POLR3K: variants seen among roughly 807,000 people sequenced by gnomAD.
POLR3K encodes RNA polymerase III subunit K.
POLR3K carries 11 observed loss-of-function variants against 13.5 expected under a neutral mutation model. The ratio of observed to expected loss-of-function variants is 0.81; its 90% CI spans 0.51 to 1.35. POLR3K has a LOEUF of 1.35. POLR3K is among the 40% of genes most tolerant of loss of function. The pLI, the probability that POLR3K is intolerant of heterozygous loss-of-function variation, is 0.00. For missense variants in POLR3K, 144 were observed against 145.3 expected (o/e 0.99, Z 0.05); for synonymous variants, 56 against 51.5 (o/e 1.09, Z -0.38).
rs933821365 is a variant in POLR3K at position 47,566 on chromosome 16, G to A, written c.200-9C>T. 1 of 1,609,496 alleles carries A rather than the reference G, an allele frequency of 6.2e-7. No homozygotes were observed. Among genetic ancestry groups the A allele is most frequent in the Non-Finnish European group, 8.5e-7 (1 of 1,177,498 alleles). On this transcript the variant is annotated splice_polypyrimidine_tract_variant and intron_variant, in intron 2 of 2. Coordinates refer to ENST00000293860, the MANE Select transcript of POLR3K (RefSeq NM_016310.5). ...GCATTTGGGACACGACTCTGGCAATGAGAAAAAAGAAGTGACCACATTTAA... is the reference window on the plus strand; with the variant it reads ...GCATTTGGGACACGACTCTGGCAATAAGAAAAAAGAAGTGACCACATTTAA...
chr16:50,945 G>T (rs745812322), intron 2 of POLR3K, among the ~76,000 whole-genome samples: 1 of 152,194 alleles, frequency 6.6e-6, no homozygotes. Context: ...GCGAGCAGGG[G>T]AAACGCAAAC....
At position 47,408 on chromosome 16, in the gene POLR3K, G is replaced by T. The variant is rs749087814; in HGVS notation, c.*22C>A. The T allele has an allele frequency of 6.2e-7, 1 of 1,609,718 alleles. No individual in the cohort carries two copies. Among genetic ancestry groups the T allele is most frequent in the Non-Finnish European group, 8.5e-7 (1 of 1,177,284 alleles). On this transcript the variant is annotated 3_prime_UTR_variant, in exon 3 of 3. Transcript: ENST00000293860. Reference sequence around the variant, plus strand: ...CGAGGGACAAGGCAAGCACACACTAGGGCAGCTGGGCCATCCTGGCCCTAA... The same window carrying T: ...CGAGGGACAAGGCAAGCACACACTATGGCAGCTGGGCCATCCTGGCCCTAA...
At chr16:51,364 T>A (rs754268764) in intron 2 of POLR3K, among the ~76,000 whole-genome samples, 194 bp downstream of exon 2, 1 of 152,182 alleles carries the variant, frequency 6.6e-6, no homozygotes, top group Non-Finnish European at 1.5e-5. Flanking sequence ...CCTGTATGAC[T>A]CCAAGGCTGG....
Position 47,132 on chromosome 16 carries a change from AG to A in POLR3K, c.*297del, listed in dbSNP as rs1897290419. The A allele has an allele frequency of 5.3e-6, 1 of 187,608 alleles. No individual in the cohort carries two copies. The highest frequency in any genetic ancestry group is 1.1e-5 in the Non-Finnish European group (1 of 90,614). 11.6% of individuals were successfully genotyped at this position (187,608 alleles called of 1,614,324 possible). On this transcript the variant is annotated 3_prime_UTR_variant, in exon 3 of 3. Coordinates refer to ENST00000293860, the MANE Select transcript of POLR3K (RefSeq NM_016310.5). ...TATTTAAGAGTGTTGATTGGGAGTA[AG>A]GGAATGTCAACTGCCAATAAAGTGG...
intron 2 of POLR3K, among the ~76,000 whole-genome samples, chr16:50,223 T>A (rs1384458462): frequency 1.3e-5 from 2 of 152,184 alleles, no homozygotes; most frequent in Non-Finnish European, 2.9e-5. Context: ...CCTCCCAAAG[T>A]GCTGAGATTG....
Position 46,444 on chromosome 16 carries a change from G to A in POLR3K, c.*986C>T, listed in dbSNP as rs1425566668. ...ATAGTCATATTAAATGTAAAGATTG[G>A]TGGGACACAGTGGCTCACGCCTGTA... On this transcript the variant is annotated 3_prime_UTR_variant, in exon 3 of 3. Coordinates refer to ENST00000293860, the MANE Select transcript of POLR3K (RefSeq NM_016310.5). The A allele has an allele frequency of 6.6e-6, 1 of 152,140 alleles. No individual in the cohort carries two copies. The highest frequency in any genetic ancestry group is 1.5e-5 in the Non-Finnish European group (1 of 68,036). The allele number at this position is 152,140 out of a possible 1,614,324, so 9.4% of individuals were successfully genotyped here. A position where few individuals can be genotyped will look rare whatever the true frequency, so the allele number is the denominator to read the frequency against.
In POLR3K at chr16:53,341, G is replaced by C. The variant is rs114777900; in HGVS notation, c.111+135C>G. On this transcript the variant is annotated intron_variant, in intron 1 of 2. Coordinates refer to ENST00000293860, the MANE Select transcript of POLR3K (RefSeq NM_016310.5). ...ATTGGAAAGTAGAGCCCACAGATCT[G>C]CTGCAGACCAGAAAGGGGCGCGAGA... The C allele has an allele frequency of 4.5e-3, 6,443 of 1,420,646 alleles. 250 individuals are homozygous for C. In the African/African-American group the frequency reaches 0.085, roughly 19 times the overall value. 88.0% of individuals were successfully genotyped at this position (1,420,646 alleles called of 1,614,324 possible). A position where few individuals can be genotyped will look rare whatever the true frequency, so the allele number is the denominator to read the frequency against.
At chr16:52,245 G>C (rs561241253) in intron 1 of POLR3K, 2 of 149,292 alleles carry the variant, frequency 1.3e-5, no homozygotes, top group African/African-American at 5.0e-5. Flanking sequence ...TTGGGAGTTC[G>C]AGACCAGCCT....
In POLR3K at chr16:51,574, A is replaced by C; in HGVS notation, c.183T>G (p.Asn61Lys). 6.2e-7 allele frequency: 1 copy of C among 1,614,006 alleles called. No homozygotes were observed. Among genetic ancestry groups the C allele is most frequent in the East Asian group, 2.2e-5 (1 of 44,892 alleles). ...DVLGGAAAWE[N>K]VDSTAESCPK... ...CCCTCTTACCTGCAGTAGAGTCAAC[A>C]TTCTCCCAGGCAGCTGCTCCACCAA... is the stretch of plus-strand genomic sequence containing the variant. Residue 61 changes from asparagine (N) to lysine (K), a missense_variant, in exon 2 of 3, where the codon AAT becomes AAG. Transcript: ENST00000293860.
At chr16:48,935 C>A (rs895596142) in intron 2 of POLR3K, among the ~76,000 whole-genome samples, 1 of 151,538 alleles carries the variant, frequency 6.6e-6, no homozygotes, top group Non-Finnish European at 1.5e-5. Context: ...AGGTGGATCA[C>A]GAGGTCGGGA....
chr16:49,703 G>A (rs1056126845), intron 2 of POLR3K, among the ~76,000 whole-genome samples: 1 of 149,262 alleles, frequency 6.7e-6, no homozygotes. Flanking sequence ...GCAATAGCAC[G>A]ATCTCAGCTC....
rs1243055985 is a variant in POLR3K at position 46,751 on chromosome 16, A to C, written c.*679T>G. 1 of 151,412 alleles carries C rather than the reference A, an allele frequency of 6.6e-6. No individual in the cohort carries two copies. Among genetic ancestry groups the C allele is most frequent in the Non-Finnish European group, 1.5e-5 (1 of 67,906 alleles). The allele number at this position is 151,412 out of a possible 1,614,324, so 9.4% of individuals were successfully genotyped here. A position where few individuals can be genotyped will look rare whatever the true frequency, so the allele number is the denominator to read the frequency against. ...ATAAATAAATAAATAAATAAAATAAATAAATAAATAAATAGTATCTTATAC... is the reference window on the plus strand; with the variant it reads ...ATAAATAAATAAATAAATAAAATAACTAAATAAATAAATAGTATCTTATAC... On this transcript the variant is annotated 3_prime_UTR_variant, in exon 3 of 3. Coordinates refer to ENST00000293860, the MANE Select transcript of POLR3K (RefSeq NM_016310.5).
chr16:53,256 G>C (rs1022235278), intron 1 of POLR3K: 8 of 895,074 alleles, frequency 8.9e-6, no homozygotes, highest in Admixed American at 7.4e-5. Flanking sequence ...ACGCAGAGAA[G>C]GGCGCGAGCG....
intron 1 of POLR3K, among the ~76,000 whole-genome samples, chr16:52,307 G>A (rs963324034): frequency 6.6e-6 from 1 of 151,690 alleles, no homozygotes; most frequent in African/African-American, 2.4e-5. Flanking sequence ...ATTAGCCGGG[G>A]ATGGTGGCAG....
chr16:47,071 T>A lies in POLR3K; in HGVS notation c.*359A>T, dbSNP rs1308945484. 6.5e-6 allele frequency: 1 copy of A among 154,160 alleles called. No individual in the cohort carries two copies. Among genetic ancestry groups the A allele is most frequent in the African/African-American group, 2.4e-5 (1 of 41,524 alleles). The allele number at this position is 154,160 out of a possible 1,614,324, so 9.5% of individuals were successfully genotyped here. Reference sequence around the variant, plus strand: ...AAGTTTACAAGTAACAGTTAAATATTTAGGGACATGTACTAAGTTTTACAA... The same window carrying A: ...AAGTTTACAAGTAACAGTTAAATATATAGGGACATGTACTAAGTTTTACAA... On this transcript the variant is annotated 3_prime_UTR_variant, in exon 3 of 3. Coordinates refer to ENST00000293860, the MANE Select transcript of POLR3K (RefSeq NM_016310.5).
At chr16:51,077 C>G (rs768305688) in intron 2 of POLR3K, among the ~76,000 whole-genome samples, 1 of 152,184 alleles carries the variant, frequency 6.6e-6, no homozygotes, top group Non-Finnish European at 1.5e-5. Context: ...CTGGGGATTA[C>G]GGAAACTATA....
At chr16:50,705 T>C (rs766665182) in intron 2 of POLR3K, among the ~76,000 whole-genome samples, 17 of 151,940 alleles carry the variant, frequency 1.1e-4, no homozygotes, top group Non-Finnish European at 1.8e-4. Flanking sequence ...TTATCTTTAA[T>C]AGAGACAGGG....
intron 1 of POLR3K, 107 bp downstream of exon 1, chr16:53,367 AAG>A: frequency 6.9e-7 from 1 of 1,453,024 alleles, no homozygotes; most frequent in South Asian, 1.4e-5. Flanking sequence ...GGGCGCGAGA[AAG>A]AGCGGACAGA....
At position 47,526 on chromosome 16, in the gene POLR3K, A is replaced by T. The variant is rs1567149373; in HGVS notation, c.231T>A (p.Ala77=). The part of the protein sequence containing the change: ...ESCPKCEHPR[A]YFMQLQTRSA... Reference sequence around the variant, plus strand: ...AGCGGGTCTGAAGCTGCATGAAGTAAGCACGAGGATGTTCGCATTTGGGAC... The same window carrying T: ...AGCGGGTCTGAAGCTGCATGAAGTATGCACGAGGATGTTCGCATTTGGGAC... The change falls in exon 3 of 3, where the codon GCT becomes GCA. Residue 77 remains alanine (A), a synonymous_variant. Transcript: ENST00000293860. The T allele has an allele frequency of 6.2e-7, 1 of 1,613,474 alleles. No individual in the cohort carries two copies. Among genetic ancestry groups the T allele is most frequent in the East Asian group, 2.2e-5 (1 of 44,844 alleles).
Sources: gnomAD v4.1 joint callset for allele counts (sites outside exome capture counted in the v4.1 genomes callset) on GRCh38, gnomAD v4.1.1 for gene constraint, MANE v1.5 for transcripts, NCBI Gene and HGNC (gene_info 2026-07-23, HGNC 2026-07-21) for gene names.